Variants in CROT observed in about 807,000 individuals in gnomAD.
CROT encodes peroxisomal carnitine O-octanoyltransferase.
A neutral mutation model predicts 89.2 loss-of-function variants in CROT; 84 were observed. That is an observed-to-expected ratio of 0.94 (90% confidence interval 0.79 to 1.13). The LOEUF (loss-of-function observed/expected upper bound fraction) is 1.13, where lower values mean the gene tolerates loss of function less well. Among genes scored for constraint, CROT ranks in the 50% most tolerant of loss-of-function variants. CROT has a pLI of 0.00. For synonymous variants in CROT, 212 were observed against 239.5 expected, an observed-to-expected ratio of 0.89 and a Z score of 1.06; for missense variants, 711 against 727.8, an observed-to-expected ratio of 0.98 and a Z score of 0.27.
At chr7:87,389,772 T>TA (rs1276797841) in intron 13 of CROT, among the ~76,000 whole-genome samples, 1 of 152,068 alleles carries the variant, frequency 6.6e-6, no homozygotes, top group Admixed American at 6.6e-5. Flanking sequence ...TAAAGTATAA[T>TA]AAAAAAAATT....
intron 17 of CROT, among the ~76,000 whole-genome samples, chr7:87,393,997 C>T (rs1201240909): frequency 2.0e-5 from 3 of 152,116 alleles, no homozygotes; most frequent in African/African-American, 7.2e-5. Flanking sequence ...TCTATTTCAT[C>T]ATTTACTACC....
chr7:87,362,217 C>T (rs1211359684), intron 6 of CROT, among the ~76,000 whole-genome samples: 3 of 151,524 alleles, frequency 2.0e-5, no homozygotes, highest in Admixed American at 6.6e-5. Flanking sequence ...TGAGTGTTTA[C>T]TTATATGTGC....
intron 10 of CROT, among the ~76,000 whole-genome samples, chr7:87,378,426 G>A (rs192615501): frequency 7.9e-5 from 12 of 151,944 alleles, no homozygotes; most frequent in African/African-American, 2.4e-4. Context: ...TCAAACTAGC[G>A]TTAGCGTAAG....
At chr7:87,398,414 G>C in intron 17 of CROT, 110 bp from the exon 18 acceptor site, 7 of 1,332,798 alleles carry the variant, frequency 5.3e-6, no homozygotes, top group Non-Finnish European at 7.5e-6. Flanking sequence ...ATGTCAGCAA[G>C]ACTTCACATT....
intron 13 of CROT, among the ~76,000 whole-genome samples, chr7:87,391,326 G>A (rs1391004615): frequency 1.3e-5 from 2 of 152,216 alleles, no homozygotes; most frequent in Non-Finnish European, 2.9e-5. Flanking sequence ...ATAAATAGCA[G>A]GAGGCAGGAA....
chr7:87,385,207 T>C (rs550819666), intron 13 of CROT, among the ~76,000 whole-genome samples: 1 of 151,564 alleles, frequency 6.6e-6, no homozygotes, highest in African/African-American at 2.4e-5. Context: ...AATTTTTGGA[T>C]TTTTTTTTCC....
At chr7:87,378,710 T>A (rs1562935430) in intron 10 of CROT, among the ~76,000 whole-genome samples, 1 of 152,196 alleles carries the variant, frequency 6.6e-6, no homozygotes, top group Non-Finnish European at 1.5e-5. Context: ...TTGGCCTGTG[T>A]GATTCATGTC....
At chr7:87,383,191 A>G (rs1171813636) in intron 13 of CROT, among the ~76,000 whole-genome samples, 6 of 152,152 alleles carry the variant, frequency 3.9e-5, no homozygotes, top group Non-Finnish European at 8.8e-5. Flanking sequence ...CTACTGTGCT[A>G]TCGAACACTA....
chr7:87,392,313 TGTTA>T lies in CROT; in HGVS notation c.1426-250_1426-247del, dbSNP rs575488289. 3.2e-3 allele frequency among the ~76,000 whole-genome samples: 484 copies of T among 152,340 alleles called. 3 individuals carry two copies. Among genetic ancestry groups the T allele is most frequent in the African/African-American group, 0.011 (460 of 41,586 alleles). On this transcript the variant is annotated intron_variant, in intron 14 of 17. Coordinates refer to ENST00000331536, the MANE Select transcript of CROT (RefSeq NM_021151.4). ...TATCGGTTGCTTTTATCTTTATACT[TGTTA>T]GTGTCACTTCAGTGCTGCCCACAAG... is the stretch of plus-strand genomic sequence containing the variant.
intron 9 of CROT, 65 bp from the exon 10 acceptor site, chr7:87,377,284 A>G (rs1450913291): frequency 1.0e-6 from 1 of 956,592 alleles, no homozygotes; most frequent in Non-Finnish European, 1.6e-6. Context: ...ATATGTGTTT[A>G]AGATGTAAAT....
rs776231648 is a variant in CROT, at chr7:87,391,659, T to C, written c.1372T>C (p.Cys458Arg). 2 of 1,611,964 alleles carry C rather than the reference T, an allele frequency of 1.2e-6. No individual in the cohort carries two copies. Among genetic ancestry groups the C allele is most frequent in the Admixed American group, 1.7e-5 (1 of 59,640 alleles). Residue 458 changes from cysteine to arginine, a missense_variant, in exon 14 of 18, where the codon TGC becomes CGC. Coordinates refer to ENST00000331536, the MANE Select transcript of CROT (RefSeq NM_021151.4). Reference protein sequence around the residue: ...YHGRTETMRSCTVEAVRWCQS... With the variant: ...YHGRTETMRSRTVEAVRWCQS... ...TGGCCGTACAGAGACTATGCGATCA[T>C]GCACAGTTGAAGCAGTGAGGTGGTG...
intron 7 of CROT, chr7:87,369,762 T>C (rs575186538): frequency 7.6e-4 from 120 of 157,972 alleles, no homozygotes; most frequent in Middle Eastern, 3.2e-3. Flanking sequence ...TAGTTTAGTG[T>C]GTTCCATTGT....
chr7:87,392,921 A>T (rs759637996), intron 16 of CROT, 27 bp from the exon 17 acceptor site: 8 of 1,612,764 alleles, frequency 5.0e-6, no homozygotes, highest in Non-Finnish European at 6.8e-6. Context: ...TAGGCCTAGT[A>T]AAATGTTCTT....
At chr7:87,378,208 G>A (rs1471125027) in intron 10 of CROT, among the ~76,000 whole-genome samples, 3 of 151,984 alleles carry the variant, frequency 2.0e-5, no homozygotes, top group African/African-American at 7.3e-5. Context: ...GCCTCACATG[G>A]TGTTGTGCGC....
Position 87,369,377 on chromosome 7 carries a change from G to A in CROT, c.549G>A (p.Glu183=), listed in dbSNP as rs143744447. ...TGTGTTTTCTGTTTCTGTTTCCAGA[G>A]AGTGAAGGGCGTTCCCCAAACCACA... ...RDSIMNYFRT[E]SEGRSPNHIV... is the part of the protein sequence containing the mutation. Residue 183 remains glutamate (E), a splice_region_variant and synonymous_variant, in exon 7 of 18, where the codon GAG becomes GAA. Transcript: ENST00000331536. 4.3e-5 allele frequency: 69 copies of A among 1,606,630 alleles called. No individual in the cohort carries two copies. The African/African-American group carries it at 7.5e-4, about 17-fold the overall frequency.
chr7:87,381,994 G>GT lies in CROT; in HGVS notation c.1062+2dup. On this transcript the variant is annotated splice_donor_variant, in intron 11 of 17. Transcript: ENST00000331536. LOFTEE classifies it high-confidence loss of function. ...TTTTCAGAATGAAGGAAGATGGAAG[G>GT]TATGTTTGAATAAATATTTCATCTT... 6.3e-7 allele frequency: 1 copy of GT among 1,596,234 alleles called. No homozygotes were observed. Among genetic ancestry groups the GT allele is most frequent in the Non-Finnish European group, 8.6e-7 (1 of 1,165,746 alleles).
At chr7:87,364,334 A>C (rs1438634191) in intron 6 of CROT, among the ~76,000 whole-genome samples, 4 of 152,252 alleles carry the variant, frequency 2.6e-5, no homozygotes, top group Non-Finnish European at 5.9e-5. Flanking sequence ...AGGAGGAGCC[A>C]GCAAAGGAGA....
At chr7:87,374,621 T>C (rs1806747483) in intron 7 of CROT, among the ~76,000 whole-genome samples, 1 of 152,064 alleles carries the variant, frequency 6.6e-6, no homozygotes, top group Non-Finnish European at 1.5e-5. Context: ...GTTGCTCTGC[T>C]ATAGATGCAG....
chr7:87,345,716 C>T lies in CROT; in HGVS notation c.-164C>T. ...AAGGGGGAGCGAGCCGGTGCTGCTG[C>T]AGGCTGAGGCTGCGGCAGAGGCGGC... On this transcript the variant is annotated 5_prime_UTR_variant, in exon 1 of 18. Coordinates refer to ENST00000331536, the MANE Select transcript of CROT (RefSeq NM_021151.4). 2.8e-6 allele frequency: 1 copy of T among 355,946 alleles called. No homozygotes were observed. The highest frequency in any genetic ancestry group is 5.0e-6 in the Non-Finnish European group (1 of 200,420). 22.0% of individuals were successfully genotyped at this position (355,946 alleles called of 1,614,324 possible). A position where few individuals can be genotyped will look rare whatever the true frequency, so the allele number is the denominator to read the frequency against.
Sources: gnomAD v4.1 joint callset for allele counts (sites outside exome capture counted in the v4.1 genomes callset) on GRCh38, gnomAD v4.1.1 for gene constraint, MANE v1.5 for transcripts, NCBI Gene and HGNC (gene_info 2026-07-23, HGNC 2026-07-21) for gene names.